Variants in ASCC3 observed in about 807,000 individuals in gnomAD.
The protein encoded by ASCC3 is activating signal cointegrator 1 complex subunit 3.
In ASCC3, 158 loss-of-function variants were observed where a neutral mutation model predicts 256.3. The ratio of observed to expected loss-of-function variants is 0.62; its 90% confidence interval spans 0.54 to 0.70. The LOEUF (loss-of-function observed/expected upper bound fraction) is 0.70. Among genes scored for constraint, ASCC3 ranks in the 30% least tolerant of loss-of-function variants. The pLI is 0.00. For synonymous variants in ASCC3, 948 were observed against 883.4 expected (o/e 1.07, Z -1.30); for missense variants, 2,259 against 2,626.0 (o/e 0.86, Z 3.05).
intron 10 of ASCC3, among the ~76,000 whole-genome samples, chr6:100,762,922 C>A (rs144396641): frequency 6.6e-6 from 1 of 151,752 alleles, no homozygotes; most frequent in Non-Finnish European, 1.5e-5. Context: ...ATTAACAATA[C>A]GGAGAAAGTT....
At chr6:100,711,359 C>T (rs1778844166) in intron 13 of ASCC3, among the ~76,000 whole-genome samples, 1 of 152,034 alleles carries the variant, frequency 6.6e-6, no homozygotes, top group African/African-American at 2.4e-5. Context: ...ACTATGTGTC[C>T]CACAGTAAAG....
chr6:100,551,546 T>A (rs1434411868), intron 36 of ASCC3, among the ~76,000 whole-genome samples: 3 of 151,738 alleles, frequency 2.0e-5, no homozygotes, highest in Non-Finnish European at 4.4e-5. Flanking sequence ...GGCTTAATAT[T>A]ATTTTTCAAA....
At chr6:100,833,389 T>C (rs1212482713) in intron 4 of ASCC3, among the ~76,000 whole-genome samples, 1 of 152,186 alleles carries the variant, frequency 6.6e-6, no homozygotes, top group Admixed American at 6.5e-5. Flanking sequence ...TACATACCAG[T>C]ATACATTTGT....
Position 100,588,523 on chromosome 6 carries a change from A to C in ASCC3, c.5550+1111T>G, listed in dbSNP as rs551195962. Among the ~76,000 whole-genome samples the C allele has an allele frequency of 3.9e-5, 6 of 152,236 alleles. No homozygotes were observed. The South Asian group carries it at 1.2e-3, about 32-fold the overall frequency. On this transcript the variant is annotated intron_variant, in intron 36 of 41. Transcript: ENST00000369162. ...ATTTTGTACTCTTCTATCAGAAATA[A>C]ATTTTTACTTTCTTAAAAAATATTT...
At chr6:100,596,100 T>G (rs1429175812) in intron 34 of ASCC3, among the ~76,000 whole-genome samples, 1 of 152,174 alleles carries the variant, frequency 6.6e-6, no homozygotes, top group Non-Finnish European at 1.5e-5. Context: ...TTTGATTTCA[T>G]CTTTTACTAC....
At position 100,650,593 on chromosome 6, in the gene ASCC3, C is replaced by A; in HGVS notation, c.3197G>T (p.Ser1066Ile). Residue 1066 changes from serine (S) to isoleucine (I), a missense_variant, in exon 20 of 42, where the codon AGC (serine) becomes ATC (isoleucine). Ser to Ile is a moderately radical substitution (Grantham distance 142). Coordinates refer to ENST00000369162, the MANE Select transcript of ASCC3 (RefSeq NM_006828.4). ...KINILLQTYISRGEMDSFSLI... is the reference protein window; with the variant it reads ...KINILLQTYIIRGEMDSFSLI... The stretch of plus-strand genomic sequence containing the variant: ...GGAGAAACTGTCCATTTCTCCTCGG[C>A]TGATATAAGTTTGAAGTAAGATGTT... 1 of 1,612,808 alleles carries A rather than the reference C, an allele frequency of 6.2e-7. No individual in the cohort carries two copies.
intron 13 of ASCC3, among the ~76,000 whole-genome samples, chr6:100,714,930 T>C (rs962497862): frequency 1.3e-5 from 2 of 151,904 alleles, no homozygotes; most frequent in Non-Finnish European, 2.9e-5. Flanking sequence ...TTTAACAACC[T>C]AAAGGCCAGG....
rs762041515 is a variant in ASCC3 at position 100,605,679 on chromosome 6, C to T, written c.5066G>A (p.Arg1689His). 11 of 1,613,292 alleles carry T rather than the reference C, an allele frequency of 6.8e-6. No individual in the cohort carries two copies. The highest frequency in any genetic ancestry group is 5.1e-6 in the Non-Finnish European group (6 of 1,179,558). The change falls in exon 33 of 42, where the codon CGT (arginine) becomes CAT (histidine). Residue 1689 changes from arginine (R) to histidine (H), a missense_variant. By Grantham distance (29) the Arg-to-His change is conservative. Coordinates refer to ENST00000369162, the MANE Select transcript of ASCC3 (RefSeq NM_006828.4). Reference protein sequence around the residue: ...PITDVLQMMGRAGRPQFDDQG... With the variant: ...PITDVLQMMGHAGRPQFDDQG... ...GTCATCGAACTGCGGCCTCCCAGCA[C>T]GCCCCATCATCTGGAGGACATCTTT...
At chr6:100,716,553 G>C (rs934563387) in intron 12 of ASCC3, among the ~76,000 whole-genome samples, 1 of 151,838 alleles carries the variant, frequency 6.6e-6, no homozygotes, top group African/African-American at 2.4e-5. Context: ...CGGCTAAGTA[G>C]GATGAGATGA....
At chr6:100,592,274 C>T (rs1772041030) in intron 34 of ASCC3, among the ~76,000 whole-genome samples, 1 of 151,708 alleles carries the variant, frequency 6.6e-6, no homozygotes, top group Non-Finnish European at 1.5e-5. Context: ...ATAAATGTTT[C>T]ACTGTTATTT....
intron 3 of ASCC3, 144 bp downstream of exon 3, chr6:100,863,920 G>T (rs1773348913): frequency 1.3e-6 from 1 of 793,044 alleles, no homozygotes; most frequent in Non-Finnish European, 1.9e-6. Context: ...ACCGCGCCTG[G>T]CCAGGACTGT....
intron 3 of ASCC3, chr6:100,858,842 C>A (rs376725389): frequency 1.8e-6 from 1 of 544,066 alleles, no homozygotes; most frequent in South Asian, 2.3e-5. Context: ...ATTTCTCCAA[C>A]GGCCCCAAAA....
chr6:100,789,346 G>T (rs1026351559), intron 8 of ASCC3, among the ~76,000 whole-genome samples: 3 of 151,966 alleles, frequency 2.0e-5, no homozygotes, highest in Non-Finnish European at 4.4e-5. Context: ...GAGACTCAAA[G>T]GATGGAGCTC....
chr6:100,830,106 A>G (rs967377753), intron 4 of ASCC3, among the ~76,000 whole-genome samples: 1 of 152,126 alleles, frequency 6.6e-6, no homozygotes, highest in Non-Finnish European at 1.5e-5. Context: ...TTATAATTTA[A>G]TATTTTCGGA....
At chr6:100,683,470 C>A (rs1179671444) in intron 13 of ASCC3, among the ~76,000 whole-genome samples, 1 of 150,396 alleles carries the variant, frequency 6.6e-6, no homozygotes, top group Non-Finnish European at 1.5e-5. Context: ...GTAAAATAAA[C>A]CCTTTTTTTT....
At chr6:100,772,094 G>C (rs1416557921) in intron 8 of ASCC3, among the ~76,000 whole-genome samples, 1 of 151,930 alleles carries the variant, frequency 6.6e-6, no homozygotes, top group African/African-American at 2.4e-5. Context: ...TGTTAGCCAG[G>C]ATGGTCTAGA....
intron 36 of ASCC3, among the ~76,000 whole-genome samples, chr6:100,560,202 A>C (rs1331463237): frequency 6.6e-6 from 1 of 152,136 alleles, no homozygotes; most frequent in Non-Finnish European, 1.5e-5. Context: ...GAAGTTATTA[A>C]CTCATAAAAT....
intron 10 of ASCC3, among the ~76,000 whole-genome samples, chr6:100,733,804 A>G (rs1780018482): frequency 6.6e-6 from 1 of 152,202 alleles, no homozygotes; most frequent in Non-Finnish European, 1.5e-5. Context: ...TAGAAAATGC[A>G]TGAGTTTGTA....
At chr6:100,593,100 G>C (rs1193886290) in intron 34 of ASCC3, among the ~76,000 whole-genome samples, 1 of 152,120 alleles carries the variant, frequency 6.6e-6, no homozygotes, top group African/African-American at 2.4e-5. Context: ...CTGCACACAA[G>C]CAGGGTTGAA....
Sources: allele counts gnomAD v4.1 joint callset (sites outside exome capture counted in the v4.1 genomes callset), GRCh38; gene constraint gnomAD v4.1.1; transcripts MANE v1.5; gene names NCBI Gene and HGNC (gene_info 2026-07-23, HGNC 2026-07-21).